Variants in ZFP64 observed in about 807,000 individuals in gnomAD.
ZFP64 encodes the protein ZFP64 zinc finger protein.
A neutral mutation model predicts 51.6 loss-of-function variants in ZFP64; 14 were observed. That is an observed-to-expected ratio of 0.27 (90% CI 0.18 to 0.42). The LOEUF (loss-of-function observed/expected upper bound fraction) is 0.42. Among genes scored for constraint, ZFP64 ranks in the 10% least tolerant of loss-of-function variants. The probability of loss-of-function intolerance (pLI) is 1.00; values close to 1 mark genes in which losing one functional copy is unlikely to be tolerated. For missense variants in ZFP64, 754 were observed against 906.8 expected (o/e 0.83, Z 2.16); for synonymous variants, 375 against 361.4 (o/e 1.04, Z -0.43).
chr20:52,101,587 T>TG (rs2079051135), intron 5 of ZFP64, among the ~76,000 whole-genome samples: 1 of 152,076 alleles, frequency 6.6e-6, no homozygotes. Flanking sequence ...AGTTTTGTTT[T>TG]TATAGAGACA....
At chr20:52,101,380 A>AT (rs5841878) in intron 5 of ZFP64, among the ~76,000 whole-genome samples, 13 of 151,544 alleles carry the variant, frequency 8.6e-5, no homozygotes, top group Admixed American at 5.9e-4. Flanking sequence ...GGGACTTGCG[A>AT]TTTTTTTTTG....
chr20:52,155,232 T>C (rs935707686), intron 5 of ZFP64, among the ~76,000 whole-genome samples: 2 of 152,228 alleles, frequency 1.3e-5, no homozygotes, highest in Non-Finnish European at 2.9e-5. Context: ...TCTGCAGCAA[T>C]CATTATGAAG....
At chr20:52,109,616 T>C (rs1978439390) in intron 5 of ZFP64, among the ~76,000 whole-genome samples, 1 of 151,586 alleles carries the variant, frequency 6.6e-6, no homozygotes, top group African/African-American at 2.4e-5. Context: ...CCATCTCTAC[T>C]AAAAATAAAT....
In ZFP64 at chr20:52,152,195, C is replaced by G; in HGVS notation, c.1997G>C (p.Gly666Ala). The G allele has an allele frequency of 6.2e-7, 1 of 1,614,072 alleles. No homozygotes were observed. Among genetic ancestry groups the G allele is most frequent in the Non-Finnish European group, 8.5e-7 (1 of 1,180,024 alleles). ...LPKQTYSIIQ[G>A]AAHPALLCPA... ...ACAGAGCAAAGCTGGATGGGCTGCC[C>G]CTTGAATGATGGAGTAGGTCTGCTT... The change falls in exon 6 of 6, where the codon GGG (glycine) becomes GCG (alanine). Residue 666 changes from glycine to alanine, a missense_variant. Coordinates refer to ENST00000216923, the MANE Select transcript of ZFP64 (RefSeq NM_018197.3).
Position 52,178,214 on chromosome 20 carries a change from G to A in ZFP64, c.286+8618C>T, listed in dbSNP as rs188314964. 1.5e-3 allele frequency among the ~76,000 whole-genome samples: 227 copies of A among 152,168 alleles called. 1 individual carries two copies. The highest frequency in any genetic ancestry group is 5.2e-3 in the African/African-American group (217 of 41,528). Reference sequence around the variant, plus strand: ...CACGGAAGCTTCAGATGGTTCTTATGCACAAGCAAGTTTGAGAAACATCGC... The same window carrying A: ...CACGGAAGCTTCAGATGGTTCTTATACACAAGCAAGTTTGAGAAACATCGC... On this transcript the variant is annotated intron_variant, in intron 2 of 5. Coordinates refer to ENST00000216923, the MANE Select transcript of ZFP64 (RefSeq NM_018197.3).
At chr20:52,185,018 G>A (rs1351686340) in intron 2 of ZFP64, among the ~76,000 whole-genome samples, 1 of 151,672 alleles carries the variant, frequency 6.6e-6, no homozygotes, top group Non-Finnish European at 1.5e-5. Context: ...ATTTGTTTAT[G>A]AAGTTTTTTA....
intron 5 of ZFP64, among the ~76,000 whole-genome samples, chr20:52,145,456 C>T (rs1980477582): frequency 6.6e-6 from 1 of 152,072 alleles, no homozygotes; most frequent in African/African-American, 2.4e-5. Context: ...AGTTTGAGAC[C>T]AGCCTGGGCA....
At chr20:52,119,345 G>C (rs1011205697) in intron 5 of ZFP64, among the ~76,000 whole-genome samples, 1 of 150,600 alleles carries the variant, frequency 6.6e-6, no homozygotes, top group Non-Finnish European at 1.5e-5. Flanking sequence ...TCGAAACCCC[G>C]ACTCTACTAA....
At chr20:52,097,396 T>C (rs1406802086) in exon 7 of ZFP64, 1 of 1,612,420 alleles carries the variant, frequency 6.2e-7, no homozygotes, top group Admixed American at 1.7e-5. Context: ...GAGATGGCGG[T>C]CCAAGTCTTT....
At chr20:52,096,968 G>T in intron 7 of ZFP64, 1 of 495,330 alleles carries the variant, frequency 2.0e-6, no homozygotes. Flanking sequence ...CTCTTGTAAG[G>T]CCAGAAAGCT....
chr20:52,138,996 A>G (rs973867831), intron 5 of ZFP64, among the ~76,000 whole-genome samples: 1 of 152,244 alleles, frequency 6.6e-6, no homozygotes, highest in African/African-American at 2.4e-5. Flanking sequence ...AGCATCTCAC[A>G]CTAGTCAGAG....
At chr20:52,086,636 C>G (rs2078867933) in intron 8 of ZFP64, among the ~76,000 whole-genome samples, 1 of 152,010 alleles carries the variant, frequency 6.6e-6, no homozygotes. Flanking sequence ...CGCCACCACG[C>G]CCAGCTAATT....
At chr20:52,123,876 T>TGGG (rs200060812) in intron 5 of ZFP64, among the ~76,000 whole-genome samples, 16 of 109,914 alleles carry the variant, frequency 1.5e-4, no homozygotes, top group African/African-American at 4.7e-4. Flanking sequence ...TTTTCTTTTT[T>TGGG]GGGGGGGGGA....
intron 2 of ZFP64, chr20:52,175,871 C>G: frequency 1.4e-5 from 13 of 905,552 alleles, no homozygotes; most frequent in South Asian, 5.1e-5. Flanking sequence ...GCCGCCCCCG[C>G]CCCCAAAATA....
rs553763314 is a variant in ZFP64, at chr20:52,085,695, G to A, written c.1229-429C>T. Among the ~76,000 whole-genome samples, 2 of 152,078 alleles carry A rather than the reference G, an allele frequency of 1.3e-5. No individual in the cohort carries two copies. The highest frequency in any genetic ancestry group is 6.6e-5 in the Admixed American group (1 of 15,262). ...AAATCAAGCTAAGACCTGTGAAGAC[G>A]CTTACTATAGTGTTTAATCTATATG... On this transcript the variant is annotated intron_variant, in intron 8 of 8. Coordinates refer to the ZFP64 transcript ENST00000361387. The surrounding 1 kb of genome is among the most constrained non-coding windows in gnomAD (Gnocchi z 4.3).
chr20:52,085,229 C>G lies in ZFP64; in HGVS notation c.1266G>C (p.Lys422Asn). 1 of 1,614,062 alleles carries G rather than the reference C, an allele frequency of 6.2e-7. No homozygotes were observed. The highest frequency in any genetic ancestry group is 8.5e-7 in the Non-Finnish European group (1 of 1,179,960). Residue 422 changes from lysine (K) to asparagine (N), a missense_variant, in exon 9 of 9, where the codon AAG (lysine) becomes AAC (asparagine). Transcript: ENST00000361387. The surrounding 1 kb of genome is among the most constrained non-coding windows in gnomAD (Gnocchi z 4.3). ...TTTTCAAGTCCGAGCTGATTTTGAA[C>G]TTGGCGCTACAGAGCCAGCACTGGA... is the stretch of plus-strand genomic sequence containing the variant.
exon 6 of ZFP64, chr20:52,098,549 G>A (rs144331254): frequency 1.2e-6 from 2 of 1,614,136 alleles, no homozygotes; most frequent in Admixed American, 1.7e-5. Context: ...TCAGTGGAGA[G>A]GCAGTTTGCT....
At chr20:52,110,636 G>T in intron 5 of ZFP64, 1 of 1,096,104 alleles carries the variant, frequency 9.1e-7, no homozygotes, top group Non-Finnish European at 1.3e-6. Context: ...TCCTGGCCAG[G>T]GTGTCCTATG....
At chr20:52,138,653 TA>T (rs10716412) in intron 5 of ZFP64, among the ~76,000 whole-genome samples, 26,599 of 149,366 alleles carry the variant, frequency 0.18, 2,458 homozygotes, top group Middle Eastern at 0.21. Flanking sequence ...CAAAATATAA[TA>T]AAAAAAAAAG....
Sources: allele counts gnomAD v4.1 joint callset (sites outside exome capture counted in the v4.1 genomes callset), GRCh38; gene constraint gnomAD v4.1.1; non-coding constraint Gnocchi (gnomAD v3.1); transcripts MANE v1.5; gene names NCBI Gene and HGNC (gene_info 2026-07-23, HGNC 2026-07-21).